Variants in UBASH3B observed in about 807,000 individuals in gnomAD.
UBASH3B encodes the protein ubiquitin-associated and SH3 domain-containing protein B.
In UBASH3B, 37 loss-of-function variants were observed where a neutral mutation model predicts 83.4. That is an observed-to-expected ratio of 0.44 (90% confidence interval 0.34 to 0.58). The LOEUF (loss-of-function observed/expected upper bound fraction) is 0.58. Ranked by LOEUF, UBASH3B falls within the 20% of genes least tolerant of loss-of-function variation. The pLI, the probability that UBASH3B is intolerant of heterozygous loss-of-function variation, is 0.01. For synonymous variants in UBASH3B, 304 were observed against 318.3 expected, an observed-to-expected ratio of 0.96 and a Z score of 0.48; for missense variants, 657 against 827.2, an observed-to-expected ratio of 0.79 and a Z score of 2.52.
At chr11:122,767,345 C>CTG (rs1198138525) in intron 1 of UBASH3B, among the ~76,000 whole-genome samples, 4 of 145,152 alleles carry the variant, frequency 2.8e-5, no homozygotes, top group African/African-American at 5.1e-5. Flanking sequence ...GTCTCTCTCT[C>CTG]TGTCACCCAG....
rs1319975936 is a variant in UBASH3B at position 122,806,043 on chromosome 11, G to T, written c.1596-367G>T. On this transcript the variant is annotated intron_variant, in intron 11 of 13. Coordinates refer to ENST00000284273, the MANE Select transcript of UBASH3B (RefSeq NM_032873.5). The surrounding 1 kb of genome is among the most constrained non-coding windows in gnomAD (Gnocchi z 4.0). The stretch of plus-strand genomic sequence containing the variant: ...CCTTGCTGCTCTTGAAGAGAGGTCT[G>T]GGAAATCCCTGCTGATCTAAATAGG... 2.0e-5 allele frequency among the ~76,000 whole-genome samples: 3 copies of T among 152,188 alleles called. No homozygotes were observed. The highest frequency in any genetic ancestry group is 4.4e-5 in the Non-Finnish European group (3 of 68,036).
chr11:122,720,354 A>G (rs1290921234), intron 1 of UBASH3B, among the ~76,000 whole-genome samples: 1 of 152,190 alleles, frequency 6.6e-6, no homozygotes, highest in Non-Finnish European at 1.5e-5. Flanking sequence ...CCACAGATCC[A>G]AATCCCTGGC....
rs147786392 is a variant in UBASH3B, at chr11:122,779,544, G to A, written c.450G>A (p.Thr150=). Residue 150 remains threonine, a synonymous_variant, in exon 4 of 14, where the codon ACG becomes ACA. Transcript: ENST00000284273. The part of the protein sequence containing the change: ...VDALGEALQT[T]VSRWKCKFSA... ...CCCTGGGGGAAGCCCTGCAGACCAC[G>A]GTCAGTCGCTGGAAATGTAAGTTCT... 35 of 1,613,974 alleles carry A rather than the reference G, an allele frequency of 2.2e-5. No homozygotes were observed. The highest frequency in any genetic ancestry group is 1.1e-4 in the African/African-American group (8 of 74,912).
chr11:122,791,645 C>T (rs978602776), intron 6 of UBASH3B, among the ~76,000 whole-genome samples: 1 of 152,170 alleles, frequency 6.6e-6, no homozygotes, highest in African/African-American at 2.4e-5. Flanking sequence ...AAGACAGACA[C>T]AGACCTTCTC....
At chr11:122,737,146 C>T (rs143976631) in intron 1 of UBASH3B, among the ~76,000 whole-genome samples, 7,703 of 152,162 alleles carry the variant, frequency 0.051, 251 homozygotes, top group South Asian at 0.093. Flanking sequence ...ATAGAGCATA[C>T]AGGCAAATTA....
chr11:122,801,258 T>C lies in UBASH3B; in HGVS notation c.1521T>C (p.Ala507=). 6.2e-7 allele frequency: 1 copy of C among 1,614,214 alleles called. No homozygotes were observed. Among genetic ancestry groups the C allele is most frequent in the Non-Finnish European group, 8.5e-7 (1 of 1,180,018 alleles). The stretch of plus-strand genomic sequence containing the variant: ...TATTTGAGTGGACAAAATGGGTTGC[T>C]GGGAGCACATTACCTGCATGGATAC... ...PGLFEWTKWV[A]GSTLPAWIPP... Residue 507 remains alanine, a synonymous_variant, in exon 11 of 14, where the codon GCT becomes GCC. Transcript: ENST00000284273.
rs976013105 is a variant in UBASH3B at position 122,695,485 on chromosome 11, C to G, written c.161+39275C>G. On this transcript the variant is annotated intron_variant, in intron 1 of 13. Coordinates refer to ENST00000284273, the MANE Select transcript of UBASH3B (RefSeq NM_032873.5). The stretch of plus-strand genomic sequence containing the variant: ...TGCTGAGTCCTCCCAACCTTGATAA[C>G]GCTTCAACCCCTTCTGGGAATATCT... Among the ~76,000 whole-genome samples, 4 of 152,342 alleles carry G rather than the reference C, an allele frequency of 2.6e-5. 1 individual carries two copies. In the South Asian group the frequency reaches 6.2e-4, roughly 24 times the overall value.
chr11:122,698,068 G>A (rs572244755), intron 1 of UBASH3B, among the ~76,000 whole-genome samples: 16 of 152,218 alleles, frequency 1.1e-4, no homozygotes, highest in East Asian at 3.9e-4. Flanking sequence ...TGTCCAACCC[G>A]CACATTCTCT....
intron 6 of UBASH3B, among the ~76,000 whole-genome samples, chr11:122,790,950 GAAAA>G (rs199977761): frequency 4.4e-4 from 60 of 136,150 alleles, no homozygotes; most frequent in Middle Eastern, 3.9e-3. Flanking sequence ...GACTTTGTCT[GAAAA>G]AAAAAAAAAA....
rs973819796 is a variant in UBASH3B, at chr11:122,796,256, C to T, written c.1214C>T (p.Ser405Phe). The T allele has an allele frequency of 2.5e-6, 4 of 1,614,118 alleles. No homozygotes were observed. The highest frequency in any genetic ancestry group is 3.4e-6 in the Non-Finnish European group (4 of 1,179,988). ...MDVVFGKYWL[S>F]QCFDAKGRYI... ...GTTGTGTTTGGGAAGTACTGGCTGTCCCAGTGCTTCGATGCCAAAGGTGAG... is the reference window on the plus strand; with the variant it reads ...GTTGTGTTTGGGAAGTACTGGCTGTTCCAGTGCTTCGATGCCAAAGGTGAG... The change falls in exon 8 of 14, where the codon TCC becomes TTC. Residue 405 changes from serine (S) to phenylalanine (F), a missense_variant. Physicochemically the swap from Ser to Phe is radical, Grantham distance 155. This residue lies in a region of UBASH3B where 573 missense variants were observed against 739.0 expected (regional missense o/e 0.78). Coordinates refer to ENST00000284273, the MANE Select transcript of UBASH3B (RefSeq NM_032873.5).
chr11:122,669,543 A>G (rs1488599550), intron 1 of UBASH3B, among the ~76,000 whole-genome samples: 1 of 152,198 alleles, frequency 6.6e-6, no homozygotes, highest in South Asian at 2.1e-4. Context: ...TTTGGTGACT[A>G]TTATTCTGTC....
intron 1 of UBASH3B, among the ~76,000 whole-genome samples, chr11:122,770,760 C>CA (rs11375644): frequency 0.97 from 146,966 of 152,270 alleles, 71,194 homozygotes; most frequent in Middle Eastern, 1. Flanking sequence ...CCACCACCCA[C>CA]TAAATATTCA....
rs1484529912 is a variant in UBASH3B at position 122,758,653 on chromosome 11, A to T, written c.162-17566A>T. 1.3e-5 allele frequency among the ~76,000 whole-genome samples: 2 copies of T among 152,186 alleles called. No individual in the cohort carries two copies. The highest frequency in any genetic ancestry group is 2.9e-5 in the Non-Finnish European group (2 of 68,036). ...TGTGGGGACTGAGATTAGATGGGTT[A>T]GGTCTGTGCGATTATAAGTAGATGC... On this transcript the variant is annotated intron_variant, in intron 1 of 13. Transcript: ENST00000284273. This position sits in a 1 kb window ranked among gnomAD's most constrained non-coding sequence, Gnocchi z 4.2.
At chr11:122,744,948 A>G (rs1046457238) in intron 1 of UBASH3B, among the ~76,000 whole-genome samples, 3 of 141,500 alleles carry the variant, frequency 2.1e-5, no homozygotes, top group African/African-American at 7.9e-5. Context: ...AGCCCGGGGA[A>G]GGGCAGCTGA....
At chr11:122,777,310 G>T (rs867439448) in intron 3 of UBASH3B, 100 bp downstream of exon 3, 2 of 1,311,154 alleles carry the variant, frequency 1.5e-6, no homozygotes, top group Non-Finnish European at 2.1e-6. Context: ...GAAGACAGCA[G>T]GAATAGTCAC....
intron 1 of UBASH3B, among the ~76,000 whole-genome samples, chr11:122,685,712 G>T (rs1166947585): frequency 6.6e-6 from 1 of 152,022 alleles, no homozygotes; most frequent in Non-Finnish European, 1.5e-5. Flanking sequence ...TAGAGACGGG[G>T]TTTCAGCATG....
chr11:122,752,306 C>T (rs934929117), intron 1 of UBASH3B, among the ~76,000 whole-genome samples: 2 of 152,092 alleles, frequency 1.3e-5, no homozygotes, highest in Non-Finnish European at 2.9e-5. Flanking sequence ...AGATAAGACA[C>T]ACAAAACAAT....
At chr11:122,693,986 T>C (rs1863928855) in intron 1 of UBASH3B, among the ~76,000 whole-genome samples, 1 of 152,198 alleles carries the variant, frequency 6.6e-6, no homozygotes, top group Non-Finnish European at 1.5e-5. Context: ...CATTTGAAGC[T>C]CTGGGGATGC....
At chr11:122,728,091 G>T (rs923490942) in intron 1 of UBASH3B, among the ~76,000 whole-genome samples, 1 of 152,170 alleles carries the variant, frequency 6.6e-6, no homozygotes, top group African/African-American at 2.4e-5. Context: ...TCCTGCCTCA[G>T]CTTCCCAAGG....
Sources: gnomAD v4.1 joint callset for allele counts (sites outside exome capture counted in the v4.1 genomes callset) on GRCh38, gnomAD v4.1.1 for gene constraint, gnomAD v4.1.1 regional missense constraint, Gnocchi (gnomAD v3.1) non-coding constraint, MANE v1.5 for transcripts, NCBI Gene and HGNC (gene_info 2026-07-23, HGNC 2026-07-21) for gene names.